KIAA1586: variants seen among roughly 807,000 people sequenced by gnomAD.
KIAA1586 encodes KIAA1586.
In KIAA1586, 5 loss-of-function variants were observed where a neutral mutation model predicts 6.1. The observed-to-expected ratio is 0.82, with a 90% CI of 0.43 to 1.73. The LOEUF (loss-of-function observed/expected upper bound fraction) is 1.73, where lower values mean the gene tolerates loss of function less well. Ranked by LOEUF, KIAA1586 falls within the 40% of genes most tolerant of loss-of-function variation. The probability of loss-of-function intolerance (pLI) is 0.02; values close to 1 mark genes in which losing one functional copy is unlikely to be tolerated. For missense variants in KIAA1586, 899 were observed against 878.2 expected, an observed-to-expected ratio of 1.02 and a Z score of -0.30; for synonymous variants, 280 against 301.7, an observed-to-expected ratio of 0.93 and a Z score of 0.75.
chr6:57,060,766 T>A, the KIAA1586 span, among the ~76,000 whole-genome samples: 9 of 152,138 alleles, frequency 5.9e-5, no homozygotes, highest in Non-Finnish European at 1.3e-4. Context: ...TATGAACAGA[T>A]AACCAAAATT....
At position 57,053,797 on chromosome 6, in the gene KIAA1586, A is replaced by C; in HGVS notation, c.1298A>C (p.Glu433Ala). The change falls in exon 4 of 4, where the codon GAA (glutamate) becomes GCA (alanine). Residue 433 changes from glutamate to alanine, a missense_variant. Coordinates refer to ENST00000370733, the MANE Select transcript of KIAA1586 (RefSeq NM_020931.4). ...TTGTCACTTGATGATTCTATATCCG[A>C]AATAAAACAAATTAATCATTTAAAA... is the stretch of plus-strand genomic sequence containing the variant. The part of the protein sequence containing the change: ...LQLSLDDSIS[E>A]IKQINHLKIF... 8 of 1,529,784 alleles carry C rather than the reference A, an allele frequency of 5.2e-6. No homozygotes were observed. The highest frequency in any genetic ancestry group is 1.4e-5 in the African/African-American group (1 of 71,950). 94.8% of individuals were successfully genotyped at this position (1,529,784 alleles called of 1,614,324 possible).
the KIAA1586 span, among the ~76,000 whole-genome samples, chr6:57,064,656 C>T: frequency 1.3e-5 from 2 of 152,238 alleles, no homozygotes; most frequent in East Asian, 3.9e-4. Context: ...CAGGTGGATT[C>T]GTGGATGGTG....
At position 57,053,530 on chromosome 6, in the gene KIAA1586, CTGTTA is replaced by C. The variant is rs759617823; in HGVS notation, c.1038_1042del (p.Met346IlefsTer25). On this transcript the variant is annotated frameshift_variant, in exon 4 of 4. Coordinates refer to ENST00000370733, the MANE Select transcript of KIAA1586 (RefSeq NM_020931.4). LOFTEE classifies it low-confidence loss of function (END_TRUNC). ...TGCACAATTCAGTCAGCTCCTGCAC[CTGTTA>C]TGTTATTTGTGGCTTTAAAAGAATT... The C allele has an allele frequency of 2.0e-5, 33 of 1,613,400 alleles. No homozygotes were observed. The highest frequency in any genetic ancestry group is 2.6e-5 in the Non-Finnish European group (31 of 1,179,752).
chr6:57,048,571 G>A (rs1828241488), intron 2 of KIAA1586, among the ~76,000 whole-genome samples: 2 of 152,158 alleles, frequency 1.3e-5, no homozygotes, highest in South Asian at 4.1e-4. Context: ...CTGTTGTTAT[G>A]GAGTAAGCAA....
intron 1 of KIAA1586, 195 bp downstream of exon 1, chr6:57,046,971 C>T: frequency 4.2e-6 from 3 of 715,552 alleles, no homozygotes; most frequent in Non-Finnish European, 4.2e-6. Flanking sequence ...CCCGGCCCCC[C>T]GCACGGGCCC....
chr6:57,048,363 TA>T (rs1828236830), intron 2 of KIAA1586, among the ~76,000 whole-genome samples: 1 of 152,212 alleles, frequency 6.6e-6, no homozygotes, highest in African/African-American at 2.4e-5. Flanking sequence ...ACTTGTTTTT[TA>T]AATTAAAATT....
At chr6:57,055,948 A>G (rs944187532), downstream of KIAA1586, among the ~76,000 whole-genome samples, 2 of 152,244 alleles carry the variant, frequency 1.3e-5, no homozygotes, top group Non-Finnish European at 2.9e-5. Context: ...AAAAAGAATC[A>G]ATGAAATTTA....
rs1828449438 is a variant in KIAA1586 at position 57,054,549 on chromosome 6, GT to G, written c.2053del (p.Ser685GlnfsTer12). On this transcript the variant is annotated frameshift_variant, in exon 4 of 4. Transcript: ENST00000370733. LOFTEE classifies it low-confidence loss of function (END_TRUNC). The stretch of plus-strand genomic sequence containing the variant: ...AAATAATAATATAAAATCAAACAAT[GT>G]TTCAATTCCTACAACTATATACAAA... The part of the protein sequence containing the change: ...FVNNNIKSNN[V>X]SIPTTIYKAK... 1 of 1,603,100 alleles carries G rather than the reference GT, an allele frequency of 6.2e-7. No individual in the cohort carries two copies. The highest frequency in any genetic ancestry group is 8.5e-7 in the Non-Finnish European group (1 of 1,174,420).
the KIAA1586 span, among the ~76,000 whole-genome samples, chr6:57,061,728 T>C: frequency 6.6e-6 from 1 of 152,112 alleles, no homozygotes; most frequent in African/African-American, 2.4e-5. Context: ...TTATTGAATT[T>C]GGCACACTAA....
the KIAA1586 span, among the ~76,000 whole-genome samples, chr6:57,065,065 G>C: frequency 6.6e-6 from 1 of 152,054 alleles, no homozygotes; most frequent in African/African-American, 2.4e-5. Context: ...GCATTTCCTG[G>C]TGAGTTCCTC....
At position 57,054,683 on chromosome 6, in the gene KIAA1586, T is replaced by G; in HGVS notation, c.2184T>G (p.Asp728Glu). ...CTRVRNSLTI[D>E]HVSDLMTINL... ...GGGTGAGAAATAGTTTAACAATAGA[T>G]CATGTATCAGATTTAATGACAATAA... is the stretch of plus-strand genomic sequence containing the variant. The change falls in exon 4 of 4, where the codon GAT becomes GAG. Residue 728 changes from aspartate (D) to glutamate (E), a missense_variant. Transcript: ENST00000370733. 6.4e-7 allele frequency: 1 copy of G among 1,554,218 alleles called. No homozygotes were observed. Among genetic ancestry groups the G allele is most frequent in the Non-Finnish European group, 8.7e-7 (1 of 1,147,792 alleles).
At chr6:57,056,151 T>C (rs537761075), downstream of KIAA1586, among the ~76,000 whole-genome samples, 4 of 150,624 alleles carry the variant, frequency 2.7e-5, no homozygotes, top group Admixed American at 2.0e-4. Flanking sequence ...TGGGTTCAAG[T>C]GATTCTCCTG....
At chr6:57,066,807 C>T in the KIAA1586 span, among the ~76,000 whole-genome samples, 40 of 152,210 alleles carry the variant, frequency 2.6e-4, no homozygotes, top group Non-Finnish European at 4.7e-4. Context: ...TCATTGTATG[C>T]GGTGTCATAG....
chr6:57,064,947 A>AT, the KIAA1586 span, among the ~76,000 whole-genome samples: 14 of 152,178 alleles, frequency 9.2e-5, no homozygotes, highest in African/African-American at 3.1e-4. Context: ...CCCTGTAGAT[A>AT]TTCTCTGTGC....
chr6:57,058,558 G>T (rs1188745904), downstream of KIAA1586, among the ~76,000 whole-genome samples: 1 of 152,096 alleles, frequency 6.6e-6, no homozygotes, highest in South Asian at 2.1e-4. Flanking sequence ...ACCAAAAATG[G>T]CAGTTTAATT....
chr6:57,056,628 C>T (rs1454874896), downstream of KIAA1586, among the ~76,000 whole-genome samples: 1 of 151,592 alleles, frequency 6.6e-6, no homozygotes, highest in African/African-American at 2.4e-5. Context: ...CCTCTTCCTC[C>T]TGGGCCCAAG....
In KIAA1586 at chr6:57,052,867, C is replaced by G. The variant is rs200733855; in HGVS notation, c.368C>G (p.Ser123Ter). 1 of 1,612,778 alleles carries G rather than the reference C, an allele frequency of 6.2e-7. No homozygotes were observed. The highest frequency in any genetic ancestry group is 1.1e-5 in the South Asian group (1 of 90,830). ...QPIIEEKPSL[S>*]SKKEIDNLVL... is the part of the protein sequence containing the mutation. ...ATCATTGAAGAAAAGCCATCACTTT[C>G]ATCAAAGAAAGAAATAGATAATCTT... The change falls in exon 4 of 4, where the codon TCA becomes TGA. Residue 123 changes from serine to a stop codon, truncating the protein, a stop_gained. Transcript: ENST00000370733. LOFTEE classifies it low-confidence loss of function (END_TRUNC).
At chr6:57,048,817 C>A (rs1054484866) in intron 2 of KIAA1586, among the ~76,000 whole-genome samples, 11 of 152,084 alleles carry the variant, frequency 7.2e-5, no homozygotes, top group African/African-American at 2.7e-4. Flanking sequence ...TGACATACGT[C>A]TGATTCATGA....
chr6:57,066,222 T>A, the KIAA1586 span, among the ~76,000 whole-genome samples: 2 of 151,924 alleles, frequency 1.3e-5, no homozygotes, highest in Non-Finnish European at 2.9e-5. Context: ...GAAGTTGCAG[T>A]GAGCCAAGAT....
Sources: allele counts gnomAD v4.1 joint callset (sites outside exome capture counted in the v4.1 genomes callset), GRCh38; gene constraint gnomAD v4.1.1; transcripts MANE v1.5; gene names NCBI Gene and HGNC (gene_info 2026-07-23, HGNC 2026-07-21).